DIP2C: variants seen among roughly 807,000 people sequenced by gnomAD.
The protein encoded by DIP2C is DIP2 acetate--CoA ligase C (putative).
In DIP2C, 33 loss-of-function variants were observed where a neutral mutation model predicts 192.4. That is an observed-to-expected ratio of 0.17 (90% CI 0.13 to 0.23). DIP2C has a LOEUF of 0.23. Among genes scored for constraint, DIP2C ranks in the 10% least tolerant of loss-of-function variants. The probability of loss-of-function intolerance (pLI) is 1.00; values close to 1 mark genes in which losing one functional copy is unlikely to be tolerated. For synonymous variants in DIP2C, 979 were observed against 864.1 expected (o/e 1.13, Z -2.33); for missense variants, 1,537 against 2,110.1 (o/e 0.73, Z 5.32).
chr10:589,698 TTC>T (rs1296247916), intron 1 of DIP2C, among the ~76,000 whole-genome samples: 2 of 152,300 alleles, frequency 1.3e-5, no homozygotes, highest in African/African-American at 4.8e-5. Context: ...AAAAAAGTAA[TTC>T]TGTCTGGAAG....
intron 10 of DIP2C, among the ~76,000 whole-genome samples, chr10:396,591 C>A (rs1964002234): frequency 6.6e-6 from 1 of 152,108 alleles, no homozygotes. Context: ...GTCCAGAGAG[C>A]CCCTAACCAT....
intron 1 of DIP2C, chr10:650,123 C>G: frequency 1.4e-6 from 1 of 717,294 alleles, no homozygotes; most frequent in African/African-American, 1.7e-5. Context: ...GGAGTCCTCC[C>G]GTTGGGACAA....
At chr10:556,009 T>C (rs575271041) in intron 1 of DIP2C, among the ~76,000 whole-genome samples, 3 of 152,204 alleles carry the variant, frequency 2.0e-5, no homozygotes, top group South Asian at 4.1e-4. Context: ...AAGGAAATCC[T>C]GTTACAGTCC....
At chr10:307,774 C>T (rs1331693295) in intron 32 of DIP2C, among the ~76,000 whole-genome samples, 3 of 152,234 alleles carry the variant, frequency 2.0e-5, no homozygotes, top group East Asian at 1.9e-4. Context: ...GGAGAAAGAG[C>T]GGCACACGGT....
Position 344,913 on chromosome 10 carries a change from A to G in DIP2C, c.3349T>C (p.Leu1117=), listed in dbSNP as rs1958356190. 4 of 1,606,224 alleles carry G rather than the reference A, an allele frequency of 2.5e-6. No homozygotes were observed. The highest frequency in any genetic ancestry group is 3.4e-6 in the Non-Finnish European group (4 of 1,177,312). The stretch of plus-strand genomic sequence containing the variant: ...ATCTGGGCAGGCCGCTTCTTTGGCA[A>G]ATCATCTGGAGAGGAACATGACTAT... ...TWPLILDTDD[L]PKKRPAQICK... is the part of the protein sequence containing the mutation. The change falls in exon 28 of 37, where the codon TTG becomes CTG. Residue 1117 remains leucine (L), a synonymous_variant. Transcript: ENST00000280886.
intron 1 of DIP2C, among the ~76,000 whole-genome samples, chr10:524,749 T>A (rs1672504): frequency 6.6e-6 from 1 of 152,084 alleles, no homozygotes; most frequent in South Asian, 2.1e-4. Context: ...CTACCTTGAA[T>A]ACTTCCAACA....
chr10:470,159 A>G (rs1970513326), intron 3 of DIP2C, among the ~76,000 whole-genome samples: 1 of 152,228 alleles, frequency 6.6e-6, no homozygotes, highest in South Asian at 2.1e-4. Context: ...TGGATGATTG[A>G]CAGGTAGGTA....
chr10:454,611 C>T (rs1186588149), intron 3 of DIP2C, among the ~76,000 whole-genome samples: 1 of 120,524 alleles, frequency 8.3e-6, no homozygotes, highest in Non-Finnish European at 1.5e-5. Flanking sequence ...GGGATAAAAA[C>T]ATCAGCACCC....
At chr10:515,514 G>C (rs1451634770) in intron 1 of DIP2C, among the ~76,000 whole-genome samples, 1 of 152,140 alleles carries the variant, frequency 6.6e-6, no homozygotes, top group African/African-American at 2.4e-5. Context: ...CTTGAGGTAA[G>C]GAGTTCAAGA....
rs193275016 is a variant in DIP2C at position 278,592 on chromosome 10, T to C, written c.4419-1015A>G. On this transcript the variant is annotated intron_variant, in intron 36 of 36. Transcript: ENST00000280886. ...ATGTGGGGACATTGTAACAACTCTCTCTAAAGCACTGAGCATGGGCTGGCT... is the reference window on the plus strand; with the variant it reads ...ATGTGGGGACATTGTAACAACTCTCCCTAAAGCACTGAGCATGGGCTGGCT... Among the ~76,000 whole-genome samples, 25 of 152,342 alleles carry C rather than the reference T, an allele frequency of 1.6e-4. 1 individual carries two copies. The East Asian group carries it at 4.2e-3, about 26-fold the overall frequency.
chr10:380,169 G>T (rs1962219378), intron 17 of DIP2C, among the ~76,000 whole-genome samples: 1 of 151,586 alleles, frequency 6.6e-6, no homozygotes, highest in Non-Finnish European at 1.5e-5. Context: ...GCACAGAAGA[G>T]GCTGTCCCTG....
At chr10:679,835 C>T (rs1223010164) in intron 1 of DIP2C, among the ~76,000 whole-genome samples, 2 of 152,218 alleles carry the variant, frequency 1.3e-5, no homozygotes, top group Non-Finnish European at 2.9e-5. Flanking sequence ...CCACAGATTT[C>T]CTCTGTACGC....
At chr10:376,909 G>A (rs116137157) in intron 17 of DIP2C, among the ~76,000 whole-genome samples, 86 of 152,262 alleles carry the variant, frequency 5.6e-4, no homozygotes, top group African/African-American at 1.8e-3. Flanking sequence ...GATGTTTAGC[G>A]TGACACAGAC....
At chr10:406,162 A>G (rs947410377) in intron 9 of DIP2C, among the ~76,000 whole-genome samples, 11 of 152,260 alleles carry the variant, frequency 7.2e-5, no homozygotes, top group African/African-American at 2.4e-4. Flanking sequence ...AGAATTTTTA[A>G]AACAACTCTT....
intron 1 of DIP2C, among the ~76,000 whole-genome samples, chr10:492,485 A>G (rs770641843): frequency 2.6e-5 from 4 of 152,340 alleles, no homozygotes; most frequent in Non-Finnish European, 5.9e-5. Flanking sequence ...CAGGGTAAAC[A>G]TAAAGCCTGC....
rs141190555 is a variant in DIP2C at position 310,814 on chromosome 10, G to A, written c.3925-722C>T. Among the ~76,000 whole-genome samples, 1,060 of 152,238 alleles carry A rather than the reference G, an allele frequency of 7.0e-3. 8 individuals are homozygous for A. The highest frequency in any genetic ancestry group is 0.025 in the South Asian group (118 of 4,816). On this transcript the variant is annotated intron_variant, in intron 31 of 36. Transcript: ENST00000280886. The stretch of plus-strand genomic sequence containing the variant: ...TCTGTACACAGAAGAGCAGCATCAC[G>A]AAGGCTGCATTACAAACCAAAATTG...
intron 1 of DIP2C, among the ~76,000 whole-genome samples, chr10:672,047 C>CCACAGACA (rs1161256253): frequency 7.2e-6 from 1 of 138,976 alleles, no homozygotes; most frequent in African/African-American, 2.8e-5. Flanking sequence ...AGGAAACAGG[C>CCACAGACA]CACAGACACA....
chr10:475,430 C>T (rs554330548), intron 2 of DIP2C, among the ~76,000 whole-genome samples: 69 of 152,268 alleles, frequency 4.5e-4, no homozygotes, highest in Admixed American at 1.4e-3. Flanking sequence ...CACCTTCAAT[C>T]TCAGTACCAC....
chr10:487,172 C>A (rs968472149), intron 1 of DIP2C, among the ~76,000 whole-genome samples: 2 of 152,166 alleles, frequency 1.3e-5, no homozygotes, highest in African/African-American at 4.8e-5. Flanking sequence ...CGCAAGCACA[C>A]AGGACAAAGC....
Sources: allele counts gnomAD v4.1 joint callset (sites outside exome capture counted in the v4.1 genomes callset), GRCh38; gene constraint gnomAD v4.1.1; transcripts MANE v1.5; gene names NCBI Gene and HGNC (gene_info 2026-07-23, HGNC 2026-07-21).